SPMAP2L: variants seen among roughly 807,000 people sequenced by gnomAD.
SPMAP2L encodes the protein sperm microtubule associated protein 2 like.
the SPMAP2L span, among the ~76,000 whole-genome samples, chr4:56,580,254 T>TA: frequency 4.0e-5 from 6 of 151,602 alleles, no homozygotes; most frequent in Admixed American, 1.3e-4. Flanking sequence ...CAGCAAAATG[T>TA]AAAAAAAATT....
At chr4:56,605,585 A>T in the SPMAP2L span, among the ~76,000 whole-genome samples, 11 of 152,048 alleles carry the variant, frequency 7.2e-5, no homozygotes, top group African/African-American at 2.7e-4. Context: ...TGTCTCTTTA[A>T]ATCACCTAGC....
At chr4:56,596,996 A>G in the SPMAP2L span, among the ~76,000 whole-genome samples, 1 of 152,236 alleles carries the variant, frequency 6.6e-6, no homozygotes, top group Non-Finnish European at 1.5e-5. Context: ...GGGGAGACAA[A>G]CAATAAATTA....
the SPMAP2L span, chr4:56,595,212 CA>C: frequency 6.2e-7 from 1 of 1,611,564 alleles, no homozygotes; most frequent in Non-Finnish European, 8.5e-7. Context: ...GAATTCTTTT[CA>C]GGGGTGCAAG....
chr4:56,611,901 C>T, the SPMAP2L span, among the ~76,000 whole-genome samples: 1 of 152,168 alleles, frequency 6.6e-6, no homozygotes, highest in Non-Finnish European at 1.5e-5. Context: ...CAGAGCATAT[C>T]CAAAGCCTCC....
the SPMAP2L span, among the ~76,000 whole-genome samples, chr4:56,581,314 G>T: frequency 1.3e-5 from 2 of 152,252 alleles, no homozygotes; most frequent in African/African-American, 2.4e-5. Flanking sequence ...AATTAGCCAG[G>T]AGTGGTGGTG....
chr4:56,570,721 A>G, the SPMAP2L span, among the ~76,000 whole-genome samples: 1 of 138,174 alleles, frequency 7.2e-6, no homozygotes, highest in Non-Finnish European at 1.5e-5. Flanking sequence ...CACTGAAGTT[A>G]TACTGTTTAT....
the SPMAP2L span, among the ~76,000 whole-genome samples, chr4:56,569,740 G>A: frequency 5.3e-5 from 8 of 152,104 alleles, no homozygotes; most frequent in East Asian, 5.8e-4. Context: ...CTGGGAGGTC[G>A]AGGCCATGAT....
At chr4:56,596,281 C>CA in the SPMAP2L span, among the ~76,000 whole-genome samples, 29 of 151,268 alleles carry the variant, frequency 1.9e-4, no homozygotes, top group Middle Eastern at 3.4e-3. Context: ...AACACAACAA[C>CA]AAAAAAAAGA....
the SPMAP2L span, among the ~76,000 whole-genome samples, chr4:56,570,259 C>T: frequency 6.6e-6 from 1 of 152,204 alleles, no homozygotes; most frequent in Non-Finnish European, 1.5e-5. Context: ...ATAGTTGATG[C>T]CTTCATAGTA....
chr4:56,557,025 G>C, the SPMAP2L span, among the ~76,000 whole-genome samples: 1 of 151,990 alleles, frequency 6.6e-6, no homozygotes, highest in African/African-American at 2.4e-5. Flanking sequence ...AAGGCGGGTA[G>C]ATCACTTGAC....
the SPMAP2L span, chr4:56,552,463 T>C: frequency 2.7e-4 from 179 of 669,026 alleles, no homozygotes; most frequent in African/African-American, 2.9e-3. Context: ...AGTTCTTTTT[T>C]TTCCCCCCTC....
chr4:56,610,163 G>A, the SPMAP2L span, among the ~76,000 whole-genome samples: 1 of 152,088 alleles, frequency 6.6e-6, no homozygotes, highest in East Asian at 1.9e-4. Flanking sequence ...AGCAAAAAGA[G>A]CAAATCTGGA....
chr4:56,551,459 G>A, the SPMAP2L span, among the ~76,000 whole-genome samples: 1 of 151,706 alleles, frequency 6.6e-6, no homozygotes, highest in African/African-American at 2.4e-5. Flanking sequence ...AGCAAGTTTA[G>A]TCCCTACAGG....
At chr4:56,591,349 G>A in the SPMAP2L span, among the ~76,000 whole-genome samples, 1 of 152,118 alleles carries the variant, frequency 6.6e-6, no homozygotes, top group Non-Finnish European at 1.5e-5. Flanking sequence ...GCAGAACCAT[G>A]AGCCAACAAG....
chr4:56,556,121 T>C, the SPMAP2L span, among the ~76,000 whole-genome samples: 1,216 of 152,336 alleles, frequency 8.0e-3, 18 homozygotes, highest in African/African-American at 0.028. Context: ...CCACAAAGCC[T>C]GCTTCTTTCC....
the SPMAP2L span, among the ~76,000 whole-genome samples, chr4:56,556,519 A>G: frequency 1.3e-5 from 2 of 152,202 alleles, no homozygotes; most frequent in African/African-American, 4.8e-5. Context: ...GGCAGTCAGG[A>G]GACTACTTGA....
chr4:56,534,997 A>G, the SPMAP2L span, among the ~76,000 whole-genome samples: 2 of 152,188 alleles, frequency 1.3e-5, no homozygotes, highest in African/African-American at 4.8e-5. Context: ...GTCTTCCTGC[A>G]GCACCCATAT....
At chr4:56,569,250 T>C in the SPMAP2L span, among the ~76,000 whole-genome samples, 67 of 152,336 alleles carry the variant, frequency 4.4e-4, no homozygotes, top group African/African-American at 1.4e-3. Flanking sequence ...AAAGTGATTG[T>C]ATCACTTTAT....
the SPMAP2L span, among the ~76,000 whole-genome samples, chr4:56,601,568 A>T: frequency 6.6e-6 from 1 of 151,982 alleles, no homozygotes; most frequent in Admixed American, 6.6e-5. Flanking sequence ...ACATCAGCCT[A>T]GGCAACAAAG....
Sources: allele counts gnomAD v4.1 joint callset (sites outside exome capture counted in the v4.1 genomes callset), GRCh38; gene constraint gnomAD v4.1.1; transcripts MANE v1.5; gene names NCBI Gene and HGNC (gene_info 2026-07-23, HGNC 2026-07-21).